Variants in MLLT10 observed in about 807,000 individuals in gnomAD.
MLLT10 encodes the protein protein AF-10.
A neutral mutation model predicts 129.1 loss-of-function variants in MLLT10; 30 were observed. That is an observed-to-expected ratio of 0.23 (90% CI 0.17 to 0.32). The LOEUF is 0.32. MLLT10 is among the 10% of genes least tolerant of loss of function. The probability of loss-of-function intolerance (pLI) is 1.00; values close to 1 mark genes in which losing one functional copy is unlikely to be tolerated. For missense variants in MLLT10, 1,119 were observed against 1,268.3 expected (o/e 0.88, Z 1.79); for synonymous variants, 490 against 446.4 (o/e 1.10, Z -1.23).
intron 5 of MLLT10, among the ~76,000 whole-genome samples, chr10:21,606,136 G>T (rs2044038757): frequency 6.6e-6 from 1 of 152,120 alleles, no homozygotes; most frequent in South Asian, 2.1e-4. Flanking sequence ...GTTAATAAAT[G>T]TTGTATGTGT....
chr10:21,732,597 A>G (rs1730926733), intron 17 of MLLT10, among the ~76,000 whole-genome samples: 1 of 152,222 alleles, frequency 6.6e-6, no homozygotes, highest in Admixed American at 6.5e-5. Flanking sequence ...ATAAAATGTC[A>G]TTACTTTTCA....
Position 21,742,031 on chromosome 10 carries a change from C to A in MLLT10, c.*48C>A. The A allele has an allele frequency of 2.5e-6, 4 of 1,573,446 alleles. No homozygotes were observed. The highest frequency in any genetic ancestry group is 3.5e-6 in the Non-Finnish European group (4 of 1,149,366). ...TGCCTATCCTGCTGTTCTAGCACTT[C>A]ATCTGGCTGCCTTTGCAGTCCTTTT... On this transcript the variant is annotated 3_prime_UTR_variant, in exon 23 of 23. Coordinates refer to ENST00000307729, the MANE Select transcript of MLLT10 (RefSeq NM_001195626.3).
intron 13 of MLLT10, among the ~76,000 whole-genome samples, chr10:21,704,584 G>T (rs1394286896): frequency 1.4e-5 from 2 of 143,036 alleles, no homozygotes; most frequent in African/African-American, 2.6e-5. Flanking sequence ...GAATTATTGT[G>T]TGCCCTTTGG....
Position 21,673,796 on chromosome 10 carries a change from CCAACAT to C in MLLT10, c.1501_1506del (p.Thr501_Ser502del). 6.2e-7 allele frequency: 1 copy of C among 1,614,176 alleles called. No individual in the cohort carries two copies. On this transcript the variant is annotated inframe_deletion, in exon 11 of 23. Transcript: ENST00000307729. ...TCATCTCTCAGTTTCTTCTGCTTCA[CCAACAT>C]CATCTGTAGCATCAGCTGCAGGAAG...
At chr10:21,695,658 C>T (rs916485753) in intron 13 of MLLT10, among the ~76,000 whole-genome samples, 6 of 152,196 alleles carry the variant, frequency 3.9e-5, no homozygotes, top group South Asian at 2.1e-4. Context: ...GATTTGTCAT[C>T]GTGGGGATTG....
At chr10:21,581,264 G>A (rs2041423684) in intron 3 of MLLT10, among the ~76,000 whole-genome samples, 1 of 151,612 alleles carries the variant, frequency 6.6e-6, no homozygotes, top group Non-Finnish European at 1.5e-5. Context: ...AGCCAGGATG[G>A]TCTCGATCTC....
intron 3 of MLLT10, among the ~76,000 whole-genome samples, chr10:21,568,718 A>C (rs1253354327): frequency 6.6e-6 from 1 of 151,860 alleles, no homozygotes; most frequent in Non-Finnish European, 1.5e-5. Context: ...GCTCACTGCA[A>C]ACTCCGCCTC....
intron 21 of MLLT10, among the ~76,000 whole-genome samples, chr10:21,737,499 C>A (rs546363138): frequency 6.6e-6 from 1 of 152,180 alleles, no homozygotes; most frequent in African/African-American, 2.4e-5. Context: ...TTTCACTGCC[C>A]CAGCAAGGCA....
At chr10:21,562,615 G>A (rs535750294) in intron 3 of MLLT10, among the ~76,000 whole-genome samples, 3 of 152,020 alleles carry the variant, frequency 2.0e-5, no homozygotes, top group African/African-American at 7.2e-5. Context: ...TGGGATTACA[G>A]GTGTGAGCCA....
At chr10:21,732,829 G>T in intron 17 of MLLT10, 70 bp from the exon 18 acceptor site, 1 of 1,221,884 alleles carries the variant, frequency 8.2e-7, no homozygotes, top group Non-Finnish European at 1.1e-6. Context: ...TAAGGTTACC[G>T]GCACTGCGTA....
chr10:21,598,739 G>A (rs1032293247), intron 5 of MLLT10, among the ~76,000 whole-genome samples: 3 of 152,088 alleles, frequency 2.0e-5, no homozygotes, highest in African/African-American at 7.2e-5. Context: ...AATTAGCTGG[G>A]CATGGTGGTG....
chr10:21,737,781 T>C (rs1483596082), intron 21 of MLLT10, among the ~76,000 whole-genome samples: 1 of 152,162 alleles, frequency 6.6e-6, no homozygotes, highest in African/African-American at 2.4e-5. Context: ...CTAGCACTCT[T>C]CATTCAGTTG....
intron 14 of MLLT10, among the ~76,000 whole-genome samples, chr10:21,718,228 A>C (rs2056891681): frequency 6.6e-6 from 1 of 152,158 alleles, no homozygotes; most frequent in African/African-American, 2.4e-5. Context: ...CTCTTTCACA[A>C]ATAATTGATA....
intron 4 of MLLT10, among the ~76,000 whole-genome samples, chr10:21,586,685 G>A (rs1044595519): frequency 2.6e-5 from 4 of 151,938 alleles, no homozygotes; most frequent in African/African-American, 7.2e-5. Context: ...GTCAGGAGTC[G>A]AGACCAGCCT....
chr10:21,629,149 T>C (rs2046768694), intron 8 of MLLT10, among the ~76,000 whole-genome samples: 1 of 151,954 alleles, frequency 6.6e-6, no homozygotes, highest in Non-Finnish European at 1.5e-5. Context: ...TTGAGTGCCA[T>C]GTGACATGGC....
chr10:21,579,182 C>G (rs2041107397), intron 3 of MLLT10, among the ~76,000 whole-genome samples: 1 of 152,112 alleles, frequency 6.6e-6, no homozygotes, highest in South Asian at 2.1e-4. Flanking sequence ...TTTTAGTTTA[C>G]TTTCTTTTGG....
chr10:21,711,232 G>A (rs567738061), intron 13 of MLLT10, among the ~76,000 whole-genome samples: 41 of 152,114 alleles, frequency 2.7e-4, no homozygotes, highest in Admixed American at 4.6e-4. Context: ...AGACCAGCCT[G>A]GCCGACATGG....
rs989518867 is a variant in MLLT10, at chr10:21,733,700, G to A, written c.2497-68G>A. 2.0e-6 allele frequency: 3 copies of A among 1,528,456 alleles called. No homozygotes were observed. The African/African-American group carries it at 4.2e-5, about 21-fold the overall frequency. 94.7% of individuals were successfully genotyped at this position (1,528,456 alleles called of 1,614,324 possible). On this transcript the variant is annotated intron_variant, in intron 19 of 22. Transcript: ENST00000307729. ...AGTTTTGCAGTGTTCTTTAAACTTA[G>A]TTTCTCTTCTTTCTTACGCTGGGAC...
intron 9 of MLLT10, among the ~76,000 whole-genome samples, chr10:21,659,118 C>T (rs781392184): frequency 3.3e-5 from 5 of 152,140 alleles, no homozygotes; most frequent in South Asian, 4.1e-4. Context: ...TTGTCAGATA[C>T]ATATTTGCAG....
Sources: gnomAD v4.1 joint callset for allele counts (sites outside exome capture counted in the v4.1 genomes callset) on GRCh38, gnomAD v4.1.1 for gene constraint, MANE v1.5 for transcripts, NCBI Gene and HGNC (gene_info 2026-07-23, HGNC 2026-07-21) for gene names.